NEMP2: variants seen among roughly 807,000 people sequenced by gnomAD.
NEMP2 encodes UPF0571 transmembrane protein.
Under a neutral mutation model 54.2 loss-of-function variants are expected in NEMP2, and 53 were observed. The ratio of observed to expected loss-of-function variants is 0.98; its 90% CI spans 0.78 to 1.23. The LOEUF is 1.23. Ranked by LOEUF, NEMP2 falls within the 50% of genes most tolerant of loss-of-function variation. The pLI is 0.00. For synonymous variants in NEMP2, 197 were observed against 190.3 expected (o/e 1.04, Z -0.29); for missense variants, 455 against 511.3 (o/e 0.89, Z 1.06).
At chr2:190,567,900 G>GATTTGTAA in the NEMP2 span, among the ~76,000 whole-genome samples, 1 of 152,118 alleles carries the variant, frequency 6.6e-6, no homozygotes, top group South Asian at 2.1e-4. This position sits in a 1 kb window ranked among gnomAD's most constrained non-coding sequence, Gnocchi z 4.0. Context: ...GCCCGCCTTG[G>GATTTGTAA]TCCCCCAAAG....
At chr2:190,603,538 G>A in the NEMP2 span, among the ~76,000 whole-genome samples, 1 of 148,240 alleles carries the variant, frequency 6.7e-6, no homozygotes, top group African/African-American at 2.5e-5. Flanking sequence ...CTGAGACAGT[G>A]GCTCCCTTTT....
chr2:190,564,059 A>G, the NEMP2 span, among the ~76,000 whole-genome samples: 1 of 152,242 alleles, frequency 6.6e-6, no homozygotes, highest in Non-Finnish European at 1.5e-5. This position sits in a 1 kb window ranked among gnomAD's most constrained non-coding sequence, Gnocchi z 4.2. Flanking sequence ...TTAGAAAGAT[A>G]TTGCTGCAGT....
chr2:190,602,695 G>A, the NEMP2 span, among the ~76,000 whole-genome samples: 1 of 152,176 alleles, frequency 6.6e-6, no homozygotes, highest in East Asian at 1.9e-4. Flanking sequence ...CATGCCCATG[G>A]CTGAACCAGT....
At chr2:190,558,459 G>A in the NEMP2 span, among the ~76,000 whole-genome samples, 5 of 152,126 alleles carry the variant, frequency 3.3e-5, no homozygotes, top group African/African-American at 1.2e-4. The surrounding 1 kb of genome is among the most constrained non-coding windows in gnomAD (Gnocchi z 4.4). Flanking sequence ...ACCCCAGAAC[G>A]TAAAGGATAA....
chr2:190,497,649 C>T, the NEMP2 span: 1 of 1,614,158 alleles, frequency 6.2e-7, no homozygotes, highest in Non-Finnish European at 8.5e-7. The surrounding 1 kb of genome is among the most constrained non-coding windows in gnomAD (Gnocchi z 5.2). Flanking sequence ...TTTGTCTATG[C>T]ACTCTACCAA....
At chr2:190,471,870 C>T in the NEMP2 span, among the ~76,000 whole-genome samples, 8 of 152,162 alleles carry the variant, frequency 5.3e-5, no homozygotes, top group East Asian at 1.9e-4. The surrounding 1 kb of genome is among the most constrained non-coding windows in gnomAD (Gnocchi z 4.7). Flanking sequence ...CTCATACGGC[C>T]GGGTACCCCT....
At chr2:190,597,257 T>C in the NEMP2 span, among the ~76,000 whole-genome samples, 1 of 136,360 alleles carries the variant, frequency 7.3e-6, no homozygotes, top group Admixed American at 8.4e-5. This position sits in a 1 kb window ranked among gnomAD's most constrained non-coding sequence, Gnocchi z 4.7. Context: ...AGCAAGACTC[T>C]GTCTCCAAAA....
chr2:190,598,350 T>G, the NEMP2 span, among the ~76,000 whole-genome samples: 1 of 152,244 alleles, frequency 6.6e-6, no homozygotes, highest in African/African-American at 2.4e-5. Flanking sequence ...CTTATGGAAG[T>G]TACTCAAAGA....
the NEMP2 span, among the ~76,000 whole-genome samples, chr2:190,546,262 C>T: frequency 1.3e-5 from 2 of 152,022 alleles, no homozygotes; most frequent in Non-Finnish European, 2.9e-5. This position sits in a 1 kb window ranked among gnomAD's most constrained non-coding sequence, Gnocchi z 5.1. Flanking sequence ...ATACTGAACA[C>T]ATACAGACTG....
the NEMP2 span, among the ~76,000 whole-genome samples, chr2:190,441,114 C>T: frequency 6.6e-6 from 1 of 152,144 alleles, no homozygotes; most frequent in Admixed American, 6.5e-5. Flanking sequence ...TCCTTCTTCT[C>T]ATCATCTTAT....
chr2:190,597,106 T>A, the NEMP2 span, among the ~76,000 whole-genome samples: 81 of 151,826 alleles, frequency 5.3e-4, no homozygotes, highest in South Asian at 1.0e-3. The surrounding 1 kb of genome is among the most constrained non-coding windows in gnomAD (Gnocchi z 4.7). Flanking sequence ...TACAAAAAAA[T>A]TTTTCTAATT....
upstream of NEMP2, chr2:190,535,900 C>T (rs1448022512): frequency 6.6e-6 from 1 of 152,188 alleles, no homozygotes; most frequent in Non-Finnish European, 1.5e-5. Flanking sequence ...GCACTTGCTT[C>T]TTGCAAGACA....
the NEMP2 span, among the ~76,000 whole-genome samples, chr2:190,478,758 AT>A: frequency 6.6e-6 from 1 of 151,732 alleles, no homozygotes; most frequent in African/African-American, 2.4e-5. Context: ...GTCTTTCATC[AT>A]TGGGCATCTT....
At chr2:190,615,549 G>C in the NEMP2 span, among the ~76,000 whole-genome samples, 2 of 152,290 alleles carry the variant, frequency 1.3e-5, no homozygotes, top group East Asian at 1.9e-4. The surrounding 1 kb of genome is among the most constrained non-coding windows in gnomAD (Gnocchi z 4.7). Flanking sequence ...TATCCTTGGA[G>C]GTTTTATGGT....
At chr2:190,463,821 AAAAT>A in the NEMP2 span, 53 of 936,486 alleles carry the variant, frequency 5.7e-5, no homozygotes, top group Non-Finnish European at 6.4e-5. This position sits in a 1 kb window ranked among gnomAD's most constrained non-coding sequence, Gnocchi z 4.4. Context: ...CCCTGTCTCA[AAAAT>A]AAATAAATAA....
the NEMP2 span, among the ~76,000 whole-genome samples, chr2:190,540,110 G>T: frequency 2.4e-4 from 36 of 152,206 alleles, no homozygotes; most frequent in Non-Finnish European, 4.1e-4. Context: ...TCAGTTCGTT[G>T]AAGGTTTTTT....
chr2:190,441,753 C>G, the NEMP2 span, among the ~76,000 whole-genome samples: 1 of 152,086 alleles, frequency 6.6e-6, no homozygotes, highest in African/African-American at 2.4e-5. Flanking sequence ...CCTCTGTGAG[C>G]TGCTGCGTCT....
chr2:190,608,404 G>A, the NEMP2 span: 6 of 152,172 alleles, frequency 3.9e-5, no homozygotes, highest in African/African-American at 9.7e-5. The surrounding 1 kb of genome is among the most constrained non-coding windows in gnomAD (Gnocchi z 4.9). Flanking sequence ...TTTTACCCGT[G>A]AATTTGTAAA....
chr2:190,488,682 A>G, the NEMP2 span: 1 of 1,588,296 alleles, frequency 6.3e-7, no homozygotes, highest in Middle Eastern at 1.7e-4. The surrounding 1 kb of genome is among the most constrained non-coding windows in gnomAD (Gnocchi z 6.4). Flanking sequence ...CCATCTGGGC[A>G]GCATGCATTT....
Sources: allele counts gnomAD v4.1 joint callset (sites outside exome capture counted in the v4.1 genomes callset), GRCh38; gene constraint gnomAD v4.1.1; non-coding constraint Gnocchi (gnomAD v3.1); transcripts MANE v1.5; gene names NCBI Gene and HGNC (gene_info 2026-07-23, HGNC 2026-07-21).